The following ANXA8 variants were observed in gnomAD, a reference collection of about 807,000 sequenced individuals.
The protein encoded by ANXA8 is annexin A8.
A neutral mutation model predicts 26.8 loss-of-function variants in ANXA8; 9 were observed. The ratio of observed to expected loss-of-function variants is 0.34; its 90% confidence interval spans 0.20 to 0.59. The LOEUF (loss-of-function observed/expected upper bound fraction) is 0.59, where lower values mean the gene tolerates loss of function less well. ANXA8 is among the 20% of genes least tolerant of loss of function. The pLI is 0.84. For synonymous variants in ANXA8, 39 were observed against 94.8 expected (o/e 0.41, Z 3.42); for missense variants, 83 against 238.5 (o/e 0.35, Z 4.29).
the ANXA8 span, among the ~76,000 whole-genome samples, chr10:47,535,859 G>A: frequency 1.6e-4 from 4 of 24,894 alleles, no homozygotes; most frequent in Admixed American, 4.3e-4. Context: ...GTTGTGTTCC[G>A]TCACTGTTCA....
the ANXA8 span, among the ~76,000 whole-genome samples, chr10:47,728,665 G>GT: frequency 2.2e-3 from 264 of 118,494 alleles, no homozygotes; most frequent in African/African-American, 8.6e-3. Flanking sequence ...GCCTCTCTCC[G>GT]TTTTTTCCCC....
At chr10:47,696,213 T>TA in the ANXA8 span, among the ~76,000 whole-genome samples, 1 of 151,860 alleles carries the variant, frequency 6.6e-6, no homozygotes, top group East Asian at 1.9e-4. Flanking sequence ...GCAATTTTGT[T>TA]AATTTACCTA....
At chr10:47,627,831 T>A in the ANXA8 span, among the ~76,000 whole-genome samples, 1 of 149,202 alleles carries the variant, frequency 6.7e-6, no homozygotes. Flanking sequence ...GTAACTAAGT[T>A]CATTACTCTC....
the ANXA8 span, among the ~76,000 whole-genome samples, chr10:47,501,167 G>A: frequency 2.8e-5 from 4 of 141,044 alleles, no homozygotes; most frequent in Admixed American, 2.9e-4. Flanking sequence ...CTCCCAAAGT[G>A]CTGGGATTAC....
At chr10:47,505,418 C>A in the ANXA8 span, among the ~76,000 whole-genome samples, 1 of 123,366 alleles carries the variant, frequency 8.1e-6, no homozygotes, top group Non-Finnish European at 1.7e-5. Context: ...TTTGATGAAG[C>A]AATAAAAATT....
the ANXA8 span, among the ~76,000 whole-genome samples, chr10:47,623,033 GT>G: frequency 8.9e-6 from 1 of 112,606 alleles, no homozygotes; most frequent in Non-Finnish European, 1.9e-5. Context: ...TTTGTTTGTA[GT>G]TTTTTTGCTT....
chr10:47,666,818 C>G, the ANXA8 span, among the ~76,000 whole-genome samples: 2 of 151,986 alleles, frequency 1.3e-5, no homozygotes, highest in Non-Finnish European at 2.9e-5. Flanking sequence ...TTCCTCTTCT[C>G]ATAGGTAACC....
chr10:47,493,829 A>C, the ANXA8 span, among the ~76,000 whole-genome samples: 1 of 143,390 alleles, frequency 7.0e-6, no homozygotes, highest in African/African-American at 2.7e-5. Context: ...TAATGACAAC[A>C]CACCATGGCC....
the ANXA8 span, among the ~76,000 whole-genome samples, chr10:47,664,307 G>A: frequency 1.3e-5 from 2 of 152,080 alleles, no homozygotes; most frequent in African/African-American, 4.8e-5. Flanking sequence ...GAACCCAAGA[G>A]GTGGAGGTTG....
chr10:47,485,561 C>T (rs1840022191), upstream of ANXA8, among the ~76,000 whole-genome samples: 1 of 152,064 alleles, frequency 6.6e-6, no homozygotes, highest in Non-Finnish European at 1.5e-5. Context: ...GTGAGCAACT[C>T]ACTTATTTTT....
the ANXA8 span, among the ~76,000 whole-genome samples, chr10:47,551,218 G>A: frequency 6.6e-6 from 1 of 151,736 alleles, no homozygotes; most frequent in Non-Finnish European, 1.5e-5. Flanking sequence ...GTTAAATTTG[G>A]CTCTCCGACT....
At chr10:47,699,656 GAAAAGA>G in the ANXA8 span, among the ~76,000 whole-genome samples, 1 of 151,374 alleles carries the variant, frequency 6.6e-6, no homozygotes, top group Non-Finnish European at 1.5e-5. Flanking sequence ...AAAGAAAAAG[GAAAAGA>G]AAAAGAAAAA....
the ANXA8 span, among the ~76,000 whole-genome samples, chr10:47,619,174 T>C: frequency 8.8e-6 from 1 of 113,278 alleles, no homozygotes; most frequent in Admixed American, 9.4e-5. Flanking sequence ...TTCTCATTCA[T>C]GAATCACTTC....
chr10:47,519,187 G>A, the ANXA8 span, among the ~76,000 whole-genome samples: 161 of 135,700 alleles, frequency 1.2e-3, 29 homozygotes, highest in African/African-American at 4.6e-3. Flanking sequence ...TGTGGTACTG[G>A]CCAGGTGCGG....
At chr10:47,683,431 T>A in the ANXA8 span, among the ~76,000 whole-genome samples, 2 of 151,974 alleles carry the variant, frequency 1.3e-5, no homozygotes, top group Middle Eastern at 3.4e-3. Flanking sequence ...GGTTTCACCC[T>A]TTTAGCCAGG....
the ANXA8 span, among the ~76,000 whole-genome samples, chr10:47,552,346 TA>T: frequency 2.6e-5 from 4 of 151,274 alleles, no homozygotes; most frequent in East Asian, 8.0e-4. Context: ...ATTCTAACTC[TA>T]AATAGTCACA....
the ANXA8 span, among the ~76,000 whole-genome samples, chr10:47,950,505 G>A: frequency 6.6e-6 from 1 of 150,624 alleles, no homozygotes; most frequent in Non-Finnish European, 1.5e-5. Flanking sequence ...ATCAATCAAC[G>A]CAATTCACCA....
the ANXA8 span, among the ~76,000 whole-genome samples, chr10:47,744,133 A>G: frequency 6.8e-6 from 1 of 148,122 alleles, no homozygotes; most frequent in South Asian, 2.2e-4. Flanking sequence ...GACTCGTTGA[A>G]TGCACAGCCT....
chr10:47,678,951 G>C, the ANXA8 span, among the ~76,000 whole-genome samples: 5 of 126,932 alleles, frequency 3.9e-5, no homozygotes, highest in Admixed American at 8.7e-5. Flanking sequence ...GCTGAAGCAT[G>C]AGAATTGCTT....
Sources: allele counts gnomAD v4.1 joint callset (sites outside exome capture counted in the v4.1 genomes callset), GRCh38; gene constraint gnomAD v4.1.1; transcripts MANE v1.5; gene names NCBI Gene and HGNC (gene_info 2026-07-23, HGNC 2026-07-21).